The following QTRT2 variants were observed in gnomAD, a reference collection of about 807,000 sequenced individuals.
The protein encoded by QTRT2 is queuine tRNA-ribosyltransferase accessory subunit 2.
QTRT2 carries 32 observed loss-of-function variants against 44.8 expected under a neutral mutation model. The ratio of observed to expected loss-of-function variants is 0.71; its 90% CI spans 0.54 to 0.96. The LOEUF (loss-of-function observed/expected upper bound fraction) is 0.96. Ranked by LOEUF, QTRT2 falls within the 40% of genes least tolerant of loss-of-function variation. The pLI is 0.00. For synonymous variants in QTRT2, 182 were observed against 187.4 expected (o/e 0.97, Z 0.24); for missense variants, 461 against 503.1 (o/e 0.92, Z 0.80).
chr3:114,064,380 G>A (rs1346479319), intron 2 of QTRT2, among the ~76,000 whole-genome samples: 1 of 152,152 alleles, frequency 6.6e-6, no homozygotes, highest in African/African-American at 2.4e-5. Context: ...TATGTCTGGT[G>A]ACATTTAGCC....
chr3:114,081,214 T>A (rs2077161927), intron 8 of QTRT2, among the ~76,000 whole-genome samples: 1 of 152,234 alleles, frequency 6.6e-6, no homozygotes, highest in Non-Finnish European at 1.5e-5. Flanking sequence ...ATAGTTTGAA[T>A]GTTTAAACAA....
chr3:114,072,925 A>G (rs1303352926), intron 6 of QTRT2, among the ~76,000 whole-genome samples: 1 of 152,206 alleles, frequency 6.6e-6, no homozygotes, highest in Admixed American at 6.5e-5. Context: ...TAGTGATCAG[A>G]GGAGAGAATT....
Position 114,079,547 on chromosome 3 carries a change from AAAAG to A in QTRT2, c.747-355_747-352del, listed in dbSNP as rs577839230. On this transcript the variant is annotated intron_variant, in intron 7 of 9. Coordinates refer to ENST00000281273, the MANE Select transcript of QTRT2 (RefSeq NM_024638.4). Reference sequence around the variant, plus strand: ...GAGTAAGACTCCCTCTCAAAAAAAAAAAAGAAACTATGTGCTTTTTCAAATATCT... The same window carrying A: ...GAGTAAGACTCCCTCTCAAAAAAAAAAAACTATGTGCTTTTTCAAATATCT... The A allele has an allele frequency of 3.5e-3, 615 of 174,472 alleles. 8 individuals are homozygous for A. Among genetic ancestry groups the A allele is most frequent in the African/African-American group, 0.014 (584 of 41,660 alleles). 10.8% of individuals were successfully genotyped at this position (174,472 alleles called of 1,614,324 possible). A position where few individuals can be genotyped will look rare whatever the true frequency, so the allele number is the denominator to read the frequency against.
intron 5 of QTRT2, among the ~76,000 whole-genome samples, chr3:114,068,997 CA>C (rs1457946897): frequency 1.3e-5 from 2 of 150,538 alleles, no homozygotes; most frequent in African/African-American, 2.5e-5. Flanking sequence ...GGCAGTGAGC[CA>C]AAGTCGCACC....
chr3:114,062,368 C>CAAAAAAAAAAAAAAAAA, intron 2 of QTRT2, among the ~76,000 whole-genome samples: 2 of 86,132 alleles, frequency 2.3e-5, no homozygotes. Context: ...GACCTTGTCT[C>CAAAAAAAAAAAAAAAAA]AAAAAAAAAA....
chr3:114,076,891 G>C lies in QTRT2; in HGVS notation c.695G>C (p.Arg232Thr). Reference sequence around the variant, plus strand: ...GGAAATCCAACAACCCTGGAGGCTAGACTACGCTTGCTGTCATCAGTCACT... The same window carrying C: ...GGAAATCCAACAACCCTGGAGGCTACACTACGCTTGCTGTCATCAGTCACT... ...FQGNPTTLEARLRLLSSVTAE... is the reference protein window; with the variant it reads ...FQGNPTTLEATLRLLSSVTAE... The change falls in exon 7 of 10, where the codon AGA becomes ACA. Residue 232 changes from arginine (R) to threonine (T), a missense_variant. Physicochemically the swap from Arg to Thr is moderately conservative, Grantham distance 71. Coordinates refer to ENST00000281273, the MANE Select transcript of QTRT2 (RefSeq NM_024638.4). The C allele has an allele frequency of 6.2e-7, 1 of 1,614,196 alleles. No homozygotes were observed. Among genetic ancestry groups the C allele is most frequent in the Non-Finnish European group, 8.5e-7 (1 of 1,180,042 alleles).
At chr3:114,085,397 G>A (rs142966489) in intron 9 of QTRT2, among the ~76,000 whole-genome samples, 1,820 of 152,102 alleles carry the variant, frequency 0.012, 23 homozygotes, top group African/African-American at 0.04. Context: ...TAGTACAGAC[G>A]GGGTTTCGCC....
chr3:114,060,897 A>G (rs1185026402), intron 2 of QTRT2, among the ~76,000 whole-genome samples: 1 of 152,128 alleles, frequency 6.6e-6, no homozygotes, highest in Non-Finnish European at 1.5e-5. Context: ...GACAGCTCCT[A>G]AGTAACTAAG....
rs377140129 is a variant in QTRT2, at chr3:114,080,038, G to C, written c.879G>C (p.Gln293His). 2 of 1,609,228 alleles carry C rather than the reference G, an allele frequency of 1.2e-6. No homozygotes were observed. Among genetic ancestry groups the C allele is most frequent in the Non-Finnish European group, 1.7e-6 (2 of 1,177,754 alleles). The change falls in exon 8 of 10, where the codon CAG (glutamine) becomes CAC (histidine). Residue 293 changes from glutamine (Q) to histidine (H), a missense_variant. Coordinates refer to ENST00000281273, the MANE Select transcript of QTRT2 (RefSeq NM_024638.4). ...GCALTFSFDY[Q>H]PNPEETLLQQ... is the part of the protein sequence containing the mutation. ...CCCTGACTTTCAGTTTTGATTACCA[G>C]CCGAATCCTGAAGAGACACGTAAGT...
At chr3:114,073,381 TTTTG>T (rs2077048478) in intron 6 of QTRT2, among the ~76,000 whole-genome samples, 1 of 152,088 alleles carries the variant, frequency 6.6e-6, no homozygotes, top group African/African-American at 2.4e-5. Flanking sequence ...TTTTGTTTTG[TTTTG>T]TTTGTTTTTT....
intron 9 of QTRT2, 186 bp downstream of exon 9, chr3:114,082,980 G>T: frequency 3.5e-6 from 2 of 569,830 alleles, no homozygotes; most frequent in Admixed American, 5.4e-5. Flanking sequence ...TGTAGACTTC[G>T]TCTTGTCAGA....
At chr3:114,064,418 T>C (rs552413969) in intron 2 of QTRT2, among the ~76,000 whole-genome samples, 1 of 152,348 alleles carries the variant, frequency 6.6e-6, no homozygotes, top group East Asian at 1.9e-4. Context: ...TCAAGTTCTG[T>C]AGTGCATTTT....
chr3:114,080,064 C>CT lies in QTRT2; in HGVS notation c.898+11dup. The CT allele has an allele frequency of 6.3e-7, 1 of 1,580,976 alleles. No homozygotes were observed. The highest frequency in any genetic ancestry group is 1.9e-5 in the Admixed American group (1 of 53,092). The stretch of plus-strand genomic sequence containing the variant: ...CCGAATCCTGAAGAGACACGTAAGT[C>CT]TTTTGAAGTTTATCTCTTATCCTTA... On this transcript the variant is annotated splice_region_variant and intron_variant, in intron 8 of 9. Coordinates refer to ENST00000281273, the MANE Select transcript of QTRT2 (RefSeq NM_024638.4).
At chr3:114,059,234 A>C (rs1245421569) in intron 2 of QTRT2, among the ~76,000 whole-genome samples, 1 of 152,070 alleles carries the variant, frequency 6.6e-6, no homozygotes, top group Non-Finnish European at 1.5e-5. Context: ...TTGTCTTTAC[A>C]CTCTTAAGGG....
intron 8 of QTRT2, among the ~76,000 whole-genome samples, chr3:114,081,696 C>T (rs182939423): frequency 6.6e-6 from 1 of 152,104 alleles, no homozygotes; most frequent in East Asian, 1.9e-4. Context: ...CCTTAGCCTC[C>T]CAAAGTGCTG....
Sources: allele counts gnomAD v4.1 joint callset (sites outside exome capture counted in the v4.1 genomes callset), GRCh38; gene constraint gnomAD v4.1.1; transcripts MANE v1.5; gene names NCBI Gene and HGNC (gene_info 2026-07-23, HGNC 2026-07-21).